Variants in ASPSCR1 observed in about 807,000 individuals in gnomAD.
The protein encoded by ASPSCR1 is ASPSCR1 tether for SLC2A4, UBX domain containing.
A neutral mutation model predicts 68.9 loss-of-function variants in ASPSCR1; 55 were observed. The ratio of observed to expected loss-of-function variants is 0.80; its 90% CI spans 0.64 to 1.00. The LOEUF is 1.00. Ranked by LOEUF, ASPSCR1 falls within the 50% of genes least tolerant of loss-of-function variation. The pLI, the probability that ASPSCR1 is intolerant of heterozygous loss-of-function variation, is 0.00. For synonymous variants in ASPSCR1, 352 were observed against 332.6 expected (o/e 1.06, Z -0.63); for missense variants, 765 against 762.2 (o/e 1.00, Z -0.04).
chr17:81,994,708 G>A (rs1598404869), intron 4 of ASPSCR1, 113 bp from the exon 5 acceptor site: 4 of 1,087,324 alleles, frequency 3.7e-6, no homozygotes, highest in Middle Eastern at 5.1e-4. Flanking sequence ...GTCCTGGGTG[G>A]GTGCTGGGTG....
Position 81,977,642 on chromosome 17 carries a change from G to A in ASPSCR1, c.-5G>A. On this transcript the variant is annotated 5_prime_UTR_variant, in exon 1 of 16. Transcript: ENST00000306739. The surrounding 1 kb of genome is among the most constrained non-coding windows in gnomAD (Gnocchi z 5.0). ...CGGCCCGGCGGCGGGTCACGTGAGC[G>A]GAAAATGGCGGCCCCGGCAGGCGGC... 5 of 1,392,716 alleles carry A rather than the reference G, an allele frequency of 3.6e-6. No homozygotes were observed. The highest frequency in any genetic ancestry group is 3.7e-6 in the Non-Finnish European group (4 of 1,070,698). The allele number at this position is 1,392,716 out of a possible 1,614,324, so 86.3% of individuals were successfully genotyped here.
chr17:82,008,922 G>C, intron 7 of ASPSCR1, 115 bp from the exon 8 acceptor site: 2 of 1,353,606 alleles, frequency 1.5e-6, no homozygotes, highest in Non-Finnish European at 1.9e-6. Context: ...GGGCCAGGGA[G>C]GGAGTGGGCC....
At chr17:82,006,004 AG>A (rs1481094647) in intron 7 of ASPSCR1, 2 of 152,416 alleles carry the variant, frequency 1.3e-5, no homozygotes, top group Admixed American at 1.3e-4. Flanking sequence ...CCTGGGGCAC[AG>A]TCTGTGGTTT....
intron 1 of ASPSCR1, chr17:81,978,087 T>G (rs2041669053): frequency 2.3e-4 from 38 of 168,008 alleles, no homozygotes; most frequent in Non-Finnish European, 3.4e-4. Context: ...TAGACCCGCG[T>G]TCCCATTCCG....
At chr17:81,996,378 A>G (rs1373052692) in intron 6 of ASPSCR1, 42 bp from the exon 7 acceptor site, 2 of 1,533,752 alleles carry the variant, frequency 1.3e-6, no homozygotes, top group South Asian at 1.2e-5. Flanking sequence ...AGCCGGGGGT[A>G]GGCACCACAA....
Position 81,986,518 on chromosome 17 carries a change from T to C in ASPSCR1, c.374+911T>C, listed in dbSNP as rs746350250. 2.0e-5 allele frequency among the ~76,000 whole-genome samples: 3 copies of C among 152,216 alleles called. No homozygotes were observed. The highest frequency in any genetic ancestry group is 6.5e-5 in the Admixed American group (1 of 15,284). Reference sequence around the variant, plus strand: ...ACGTTGTTCCTGAATGTGTAAAAATTGGTGCTTTGTCAATTTGGGTCTTTT... The same window carrying C: ...ACGTTGTTCCTGAATGTGTAAAAATCGGTGCTTTGTCAATTTGGGTCTTTT... On this transcript the variant is annotated intron_variant, in intron 4 of 15. Coordinates refer to ENST00000306739, the MANE Select transcript of ASPSCR1 (RefSeq NM_024083.4). The surrounding 1 kb of genome is among the most constrained non-coding windows in gnomAD (Gnocchi z 5.2).
At chr17:81,995,576 A>G in intron 5 of ASPSCR1, 1 of 363,932 alleles carries the variant, frequency 2.7e-6, no homozygotes, top group Non-Finnish European at 5.1e-6. Context: ...GGACGTGGCC[A>G]GCCAGGCCCG....
intron 9 of ASPSCR1, chr17:82,010,168 C>T (rs1243793747): frequency 2.9e-5 from 7 of 244,070 alleles, no homozygotes; most frequent in African/African-American, 4.8e-5. Flanking sequence ...GTGATCTGCC[C>T]GCCTCGGCCT....
At chr17:82,003,286 G>A (rs2042598952) in intron 7 of ASPSCR1, among the ~76,000 whole-genome samples, 1 of 152,212 alleles carries the variant, frequency 6.6e-6, no homozygotes, top group Admixed American at 6.5e-5. Context: ...TCTCTACAAA[G>A]GAAATTTAAA....
intron 12 of ASPSCR1, 151 bp from the exon 13 acceptor site, chr17:82,016,325 A>G (rs1008547257): frequency 1.4e-6 from 1 of 693,556 alleles, no homozygotes; most frequent in Non-Finnish European, 2.4e-6. Flanking sequence ...CTGGTGTCAG[A>G]CAGGAAGCTG....
chr17:81,993,085 C>G (rs1349867396), intron 4 of ASPSCR1, among the ~76,000 whole-genome samples: 6 of 152,180 alleles, frequency 3.9e-5, no homozygotes, highest in Non-Finnish European at 8.8e-5. Context: ...GAAAACACGT[C>G]AAACCCACAC....
chr17:82,000,704 G>A (rs2042501017), intron 7 of ASPSCR1, among the ~76,000 whole-genome samples: 1 of 152,228 alleles, frequency 6.6e-6, no homozygotes. Flanking sequence ...GACCCGGGGT[G>A]GTTCACAGAC....
intron 4 of ASPSCR1, among the ~76,000 whole-genome samples, chr17:81,992,891 G>A (rs2042218354): frequency 1.3e-5 from 2 of 152,216 alleles, no homozygotes; most frequent in African/African-American, 4.8e-5. Context: ...TGCTCCACAG[G>A]CTAGAGGCCC....
Position 82,009,111 on chromosome 17 carries a change from G to A in ASPSCR1, c.1008G>A (p.Trp336Ter). ...HPDLEERLQA[W>*]PAELPDEFFE... ...ACCTGGAGGAGCGGCTGCAGGCCTG[G>A]CCAGCGGAGCTGCCTGATGAGTTCT... is the stretch of plus-strand genomic sequence containing the variant. The change falls in exon 8 of 16, where the codon TGG becomes TGA. Residue 336 changes from tryptophan (W) to a stop codon, truncating the protein, a stop_gained. Transcript: ENST00000306739. LOFTEE classifies it high-confidence loss of function. The A allele has an allele frequency of 6.3e-7, 1 of 1,599,358 alleles. No homozygotes were observed. The highest frequency in any genetic ancestry group is 8.5e-7 in the Non-Finnish European group (1 of 1,173,834).
chr17:81,985,041 CT>C (rs1253641130), intron 3 of ASPSCR1, among the ~76,000 whole-genome samples: 8 of 132,750 alleles, frequency 6.0e-5, no homozygotes, highest in Admixed American at 4.4e-4. Flanking sequence ...ATGCACACAC[CT>C]CCCCCCCACA....
chr17:82,000,275 A>T (rs529415593), intron 7 of ASPSCR1, among the ~76,000 whole-genome samples: 30 of 152,316 alleles, frequency 2.0e-4, no homozygotes, highest in East Asian at 1.7e-3. Context: ...CGCAGCCCAG[A>T]GTAGTGCCCG....
At chr17:82,005,231 A>G (rs1296830519) in intron 7 of ASPSCR1, 2 of 152,062 alleles carry the variant, frequency 1.3e-5, no homozygotes, top group East Asian at 1.9e-4. Flanking sequence ...GCCTCTGCTC[A>G]GTGGCAGGGT....
intron 7 of ASPSCR1, among the ~76,000 whole-genome samples, chr17:82,000,492 C>T (rs1431423069): frequency 1.3e-5 from 2 of 152,148 alleles, no homozygotes; most frequent in Non-Finnish European, 2.9e-5. Flanking sequence ...GGCCACATGC[C>T]GCTGCTGGGT....
intron 3 of ASPSCR1, among the ~76,000 whole-genome samples, chr17:81,985,062 G>A (rs866645600): frequency 5.8e-5 from 5 of 86,898 alleles, no homozygotes; most frequent in Admixed American, 4.3e-4. Context: ...ACACACCCAC[G>A]CACACACCTG....
Sources: gnomAD v4.1 joint callset for allele counts (sites outside exome capture counted in the v4.1 genomes callset) on GRCh38, gnomAD v4.1.1 for gene constraint, Gnocchi (gnomAD v3.1) non-coding constraint, MANE v1.5 for transcripts, NCBI Gene and HGNC (gene_info 2026-07-23, HGNC 2026-07-21) for gene names.